The following BTBD9 variants were observed in gnomAD, a reference collection of about 807,000 sequenced individuals.
BTBD9 encodes BTB/POZ domain-containing protein 9.
Under a neutral mutation model 64.3 loss-of-function variants are expected in BTBD9, and 49 were observed. The ratio of observed to expected loss-of-function variants is 0.76; its 90% confidence interval spans 0.61 to 0.97. BTBD9 has a LOEUF of 0.97. BTBD9 is among the 50% of genes least tolerant of loss of function. BTBD9 has a pLI of 0.00. For missense variants in BTBD9, 598 were observed against 762.1 expected, an observed-to-expected ratio of 0.78 and a Z score of 2.53; for synonymous variants, 260 against 274.7, an observed-to-expected ratio of 0.95 and a Z score of 0.53.
intron 6 of BTBD9, among the ~76,000 whole-genome samples, chr6:38,472,143 T>C (rs986935015): frequency 2.6e-5 from 4 of 152,238 alleles, no homozygotes; most frequent in African/African-American, 9.6e-5. Context: ...ACCACACTTG[T>C]ATCCTATCTC....
chr6:38,518,117 A>T (rs1202961643), intron 6 of BTBD9, among the ~76,000 whole-genome samples: 8 of 152,234 alleles, frequency 5.3e-5, no homozygotes, highest in African/African-American at 1.7e-4. Context: ...ACTAACTGAG[A>T]AACCATTCAG....
chr6:38,330,058 TTTTTGTTTTA>T (rs1763612852), intron 7 of BTBD9, among the ~76,000 whole-genome samples: 1 of 151,432 alleles, frequency 6.6e-6, no homozygotes, highest in East Asian at 1.9e-4. Flanking sequence ...CTTTTCTTTT[TTTTTGTTTTA>T]TTTTGAGACA....
chr6:38,396,142 A>G (rs183457552), intron 6 of BTBD9, among the ~76,000 whole-genome samples: 63 of 152,318 alleles, frequency 4.1e-4, no homozygotes, highest in Admixed American at 2.4e-3. Context: ...TAAAAATTTT[A>G]ATGAAATGAT....
intron 6 of BTBD9, among the ~76,000 whole-genome samples, chr6:38,382,146 A>G (rs1018453494): frequency 1.3e-5 from 2 of 152,196 alleles, no homozygotes; most frequent in African/African-American, 4.8e-5. Flanking sequence ...GCAGTAAGAG[A>G]GCACTGTGGT....
intron 1 of BTBD9, among the ~76,000 whole-genome samples, chr6:38,626,054 A>C (rs1778152386): frequency 6.6e-6 from 1 of 152,228 alleles, no homozygotes; most frequent in African/African-American, 2.4e-5. Flanking sequence ...AGTTTCAAGG[A>C]CTTTCAATTT....
intron 10 of BTBD9, among the ~76,000 whole-genome samples, chr6:38,188,982 G>A (rs749186793): frequency 1.3e-5 from 2 of 152,150 alleles, no homozygotes; most frequent in Admixed American, 6.5e-5. Context: ...AAATCAATGT[G>A]TTACTTTAGC....
At chr6:38,205,892 G>GAAAAAAAAAAAAAAAAAAAAAAAAA (rs1762628139) in intron 9 of BTBD9, among the ~76,000 whole-genome samples, 1 of 94,062 alleles carries the variant, frequency 1.1e-5, no homozygotes, top group Non-Finnish European at 2.0e-5. Context: ...AAAAAAAAAA[G>GAAAAAAAAAAAAAAAAAAAAAAAAA]AAAGAAAGAA....
At chr6:38,394,679 A>C (rs1766586589) in intron 6 of BTBD9, among the ~76,000 whole-genome samples, 1 of 151,786 alleles carries the variant, frequency 6.6e-6, no homozygotes, top group Non-Finnish European at 1.5e-5. Flanking sequence ...AAAAAAAAAC[A>C]TGGCAGCTGC....
At chr6:38,527,223 C>T (rs1773541719) in intron 6 of BTBD9, among the ~76,000 whole-genome samples, 2 of 118,108 alleles carry the variant, frequency 1.7e-5, no homozygotes, top group South Asian at 5.6e-4. Flanking sequence ...TTGCAATGAG[C>T]CAAGATCGCA....
chr6:38,459,007 C>T (rs1001859057), intron 6 of BTBD9, among the ~76,000 whole-genome samples: 1 of 151,992 alleles, frequency 6.6e-6, no homozygotes, highest in Non-Finnish European at 1.5e-5. Flanking sequence ...TCTGACCATG[C>T]TTTTATTTTT....
intron 7 of BTBD9, among the ~76,000 whole-genome samples, chr6:38,293,438 C>T (rs1403152552): frequency 6.6e-6 from 1 of 152,084 alleles, no homozygotes; most frequent in Non-Finnish European, 1.5e-5. Flanking sequence ...GCTACAGTAA[C>T]CAAAACAGCA....
At chr6:38,279,171 A>C (rs1761405392) in intron 8 of BTBD9, among the ~76,000 whole-genome samples, 2 of 152,082 alleles carry the variant, frequency 1.3e-5, no homozygotes, top group Non-Finnish European at 1.5e-5. Context: ...GAGGAGATGA[A>C]AGAGTTTTTC....
intron 8 of BTBD9, among the ~76,000 whole-genome samples, chr6:38,274,326 CAG>C (rs1554134132): frequency 1.3e-5 from 2 of 152,212 alleles, no homozygotes; most frequent in Non-Finnish European, 2.9e-5. Flanking sequence ...CATCTGCAAA[CAG>C]GGACAATTTG....
At chr6:38,288,110 C>T (rs938099845) in intron 8 of BTBD9, among the ~76,000 whole-genome samples, 162 bp downstream of exon 8, 10 of 152,150 alleles carry the variant, frequency 6.6e-5, no homozygotes, top group African/African-American at 2.2e-4. Flanking sequence ...CGCTATATCT[C>T]GTTGTTGTCC....
At chr6:38,386,614 C>T (rs1433298786) in intron 6 of BTBD9, among the ~76,000 whole-genome samples, 2 of 140,156 alleles carry the variant, frequency 1.4e-5, no homozygotes, top group African/African-American at 5.3e-5. Context: ...ATTTGGGATA[C>T]ATTTTCCAGT....
chr6:38,346,275 T>C (rs1764272333), intron 6 of BTBD9, among the ~76,000 whole-genome samples: 1 of 152,236 alleles, frequency 6.6e-6, no homozygotes, highest in African/African-American at 2.4e-5. Context: ...AATGCTGATT[T>C]AGAAAATTCA....
intron 9 of BTBD9, among the ~76,000 whole-genome samples, chr6:38,254,101 T>C (rs1269150304): frequency 2.6e-5 from 4 of 151,032 alleles, no homozygotes; most frequent in Non-Finnish European, 4.4e-5. Context: ...GTGTACCTTC[T>C]CTGTTCTTTC....
intron 4 of BTBD9, among the ~76,000 whole-genome samples, chr6:38,590,993 T>C (rs1776767987): frequency 6.6e-6 from 1 of 152,206 alleles, no homozygotes; most frequent in Non-Finnish European, 1.5e-5. Flanking sequence ...GTAGTATCAA[T>C]TGTGCACAGA....
chr6:38,564,707 T>C (rs757067066), intron 6 of BTBD9, among the ~76,000 whole-genome samples: 13 of 151,944 alleles, frequency 8.6e-5, no homozygotes, highest in Admixed American at 7.9e-4. Context: ...GCTAACATGG[T>C]GAAACCCCAT....
Sources: gnomAD v4.1 joint callset for allele counts (sites outside exome capture counted in the v4.1 genomes callset) on GRCh38, gnomAD v4.1.1 for gene constraint, MANE v1.5 for transcripts, NCBI Gene and HGNC (gene_info 2026-07-23, HGNC 2026-07-21) for gene names.